The following CDH5 variants were observed in gnomAD, a reference collection of about 807,000 sequenced individuals.
CDH5 encodes the protein cadherin 5.
A neutral mutation model predicts 62.0 loss-of-function variants in CDH5; 28 were observed. The observed-to-expected ratio is 0.45, with a 90% CI of 0.33 to 0.62. The LOEUF (loss-of-function observed/expected upper bound fraction) is 0.62. Among genes scored for constraint, CDH5 ranks in the 20% least tolerant of loss-of-function variants. The probability of loss-of-function intolerance (pLI) is 0.02; values close to 1 mark genes in which losing one functional copy is unlikely to be tolerated. For synonymous variants in CDH5, 464 were observed against 445.8 expected (o/e 1.04, Z -0.52); for missense variants, 940 against 1,065.1 (o/e 0.88, Z 1.63).
intron 1 of CDH5, among the ~76,000 whole-genome samples, chr16:66,372,120 G>A (rs1960702575): frequency 6.6e-6 from 1 of 152,196 alleles, no homozygotes; most frequent in Non-Finnish European, 1.5e-5. Context: ...ACTCACTCCT[G>A]GGACTGTGGT....
chr16:66,401,813 G>A (rs865822604), intron 11 of CDH5, among the ~76,000 whole-genome samples: 6 of 152,144 alleles, frequency 3.9e-5, no homozygotes, highest in South Asian at 2.1e-4. Flanking sequence ...CATTTCACTC[G>A]CCATGAGACG....
At chr16:66,374,992 A>G (rs186637454) in intron 1 of CDH5, among the ~76,000 whole-genome samples, 1 of 152,030 alleles carries the variant, frequency 6.6e-6, no homozygotes, top group Admixed American at 6.5e-5. Context: ...GTGCATCTTA[A>G]TGACTGGGAC....
In CDH5 at chr16:66,403,159, T is replaced by C; in HGVS notation, c.2345T>C (p.Leu782Pro). Reference sequence around the variant, plus strand: ...TACGGCTCGGACCCCCGGGAGGAGCTGCTGTATTAGGCGGCCGAGGTCACT... The same window carrying C: ...TACGGCTCGGACCCCCGGGAGGAGCCGCTGTATTAGGCGGCCGAGGTCACT... ...ELYGSDPREE[L>P]LY The change falls in exon 12 of 12, where the codon CTG becomes CCG. Residue 782 changes from leucine (L) to proline (P), a missense_variant. Transcript: ENST00000341529. The surrounding 1 kb of genome is among the most constrained non-coding windows in gnomAD (Gnocchi z 4.3). 1.9e-6 allele frequency: 3 copies of C among 1,610,760 alleles called. No homozygotes were observed. The highest frequency in any genetic ancestry group is 2.5e-6 in the Non-Finnish European group (3 of 1,179,254).
At chr16:66,387,219 G>A (rs1961002434) in intron 3 of CDH5, 122 bp downstream of exon 3, 12 of 845,680 alleles carry the variant, frequency 1.4e-5, no homozygotes, top group Non-Finnish European at 2.2e-5. Flanking sequence ...TGATTGTAAT[G>A]CCTGTGTTGC....
chr16:66,378,421 C>T (rs1367484128), intron 1 of CDH5, among the ~76,000 whole-genome samples: 2 of 152,132 alleles, frequency 1.3e-5, no homozygotes, highest in Non-Finnish European at 2.9e-5. Context: ...ATAATTACAC[C>T]AACCTGGAAG....
At chr16:66,401,966 T>C (rs1027056433) in intron 11 of CDH5, among the ~76,000 whole-genome samples, 32 of 152,302 alleles carry the variant, frequency 2.1e-4, no homozygotes, top group Non-Finnish European at 2.6e-4. Context: ...GAGAGTGGCC[T>C]CGGTATGCCC....
At chr16:66,368,108 C>T (rs760485872) in intron 1 of CDH5, among the ~76,000 whole-genome samples, 13 of 152,120 alleles carry the variant, frequency 8.5e-5, no homozygotes, top group Non-Finnish European at 1.6e-4. Flanking sequence ...CCAGCGTGGA[C>T]GTTTCTCATG....
chr16:66,398,206 A>T, intron 9 of CDH5, 100 bp downstream of exon 9: 1 of 1,377,920 alleles, frequency 7.3e-7, no homozygotes, highest in Non-Finnish European at 1.0e-6. Context: ...CCTGTACAAT[A>T]GCCTTGAGGA....
chr16:66,403,133 G>A lies in CDH5; in HGVS notation c.2319G>A (p.Leu773=), dbSNP rs761879999. The change falls in exon 12 of 12, where the codon CTG becomes CTA. Residue 773 remains leucine (L), a synonymous_variant. Coordinates refer to ENST00000341529, the MANE Select transcript of CDH5 (RefSeq NM_001795.5). This position sits in a 1 kb window ranked among gnomAD's most constrained non-coding sequence, Gnocchi z 4.3. ...CCAGGTTTAAGATGCTGGCTGAGCT[G>A]TACGGCTCGGACCCCCGGGAGGAGC... is the stretch of plus-strand genomic sequence containing the variant. ...WGPRFKMLAE[L]YGSDPREELL... 6.2e-6 allele frequency: 10 copies of A among 1,612,960 alleles called. No homozygotes were observed. The African/African-American group carries it at 9.4e-5, about 15-fold the overall frequency.
intron 1 of CDH5, among the ~76,000 whole-genome samples, chr16:66,373,237 TA>T (rs1960724272): frequency 6.6e-6 from 1 of 151,948 alleles, no homozygotes; most frequent in Admixed American, 6.6e-5. Context: ...GGAAACAGGC[TA>T]AAATGAAAAA....
At chr16:66,380,053 G>GGGAT (rs1306372235) in intron 2 of CDH5, among the ~76,000 whole-genome samples, 3 of 1,958 alleles carry the variant, frequency 1.5e-3, no homozygotes, top group African/African-American at 0.012. Context: ...TGATGATAAA[G>GGGAT]GGGTAGGTGT....
At chr16:66,384,280 G>C (rs181087984) in intron 2 of CDH5, among the ~76,000 whole-genome samples, 4 of 149,792 alleles carry the variant, frequency 2.7e-5, no homozygotes, top group Admixed American at 2.7e-4. Flanking sequence ...TTTTAATAGA[G>C]ATGGGGTTTC....
At position 66,387,113 on chromosome 16, in the gene CDH5, A is replaced by G. The variant is rs368835124; in HGVS notation, c.499+16A>G. ...TCGGCTGTGGGTACGTTGCATGCCC[A>G]CTCTGTCCTCCTCCCTCCCTCATCC... On this transcript the variant is annotated intron_variant, in intron 3 of 11. Coordinates refer to ENST00000341529, the MANE Select transcript of CDH5 (RefSeq NM_001795.5). The G allele has an allele frequency of 6.2e-7, 1 of 1,600,344 alleles. No homozygotes were observed. Among genetic ancestry groups the G allele is most frequent in the East Asian group, 2.2e-5 (1 of 44,548 alleles).
intron 1 of CDH5, 165 bp from the exon 2 acceptor site, chr16:66,379,154 A>C: frequency 1.6e-6 from 1 of 618,612 alleles, no homozygotes; most frequent in South Asian, 2.1e-5. Context: ...ATCCGAGTGC[A>C]TGACTGCTCC....
At chr16:66,399,757 G>A (rs183647190) in intron 10 of CDH5, among the ~76,000 whole-genome samples, 4 of 152,222 alleles carry the variant, frequency 2.6e-5, no homozygotes, top group Non-Finnish European at 5.9e-5. Context: ...AGGCAAGTCT[G>A]TTGGTGTCAA....
At chr16:66,401,747 G>A (rs1478178062) in intron 11 of CDH5, among the ~76,000 whole-genome samples, 1 of 152,168 alleles carries the variant, frequency 6.6e-6, no homozygotes, top group Non-Finnish European at 1.5e-5. Flanking sequence ...GAGGCAGCGT[G>A]GGGCCACCCC....
intron 1 of CDH5, among the ~76,000 whole-genome samples, chr16:66,374,056 T>C (rs921375429): frequency 3.3e-5 from 5 of 152,212 alleles, no homozygotes; most frequent in African/African-American, 1.2e-4. Flanking sequence ...CTGGCTCCAC[T>C]GCCTCCGGCT....
At chr16:66,386,368 C>G (rs1960983168) in intron 2 of CDH5, among the ~76,000 whole-genome samples, 1 of 151,998 alleles carries the variant, frequency 6.6e-6, no homozygotes, top group Non-Finnish European at 1.5e-5. Flanking sequence ...TCTAGCATAC[C>G]CATTACCCAA....
intron 1 of CDH5, among the ~76,000 whole-genome samples, chr16:66,375,346 T>G (rs543000623): frequency 1.2e-4 from 18 of 151,830 alleles, no homozygotes; most frequent in Non-Finnish European, 2.4e-4. Context: ...TTGGGCGATA[T>G]AGTCAAACCC....
Sources: allele counts gnomAD v4.1 joint callset (sites outside exome capture counted in the v4.1 genomes callset), GRCh38; gene constraint gnomAD v4.1.1; non-coding constraint Gnocchi (gnomAD v3.1); transcripts MANE v1.5; gene names NCBI Gene and HGNC (gene_info 2026-07-23, HGNC 2026-07-21).